Variants in SAMD12 observed in about 807,000 individuals in gnomAD.
The protein encoded by SAMD12 is sterile alpha motif domain containing 12.
In SAMD12, 9 loss-of-function variants were observed where a neutral mutation model predicts 15.0. The observed-to-expected ratio is 0.60, with a 90% CI of 0.36 to 1.05. SAMD12 has a LOEUF of 1.05. SAMD12 is among the 50% of genes least tolerant of loss of function. The pLI is 0.01. For synonymous variants in SAMD12, 86 were observed against 90.1 expected (o/e 0.96, Z 0.25); for missense variants, 230 against 234.2 (o/e 0.98, Z 0.12).
intron 3 of SAMD12, among the ~76,000 whole-genome samples, chr8:118,434,631 A>C (rs982532848): frequency 6.6e-6 from 1 of 152,192 alleles, no homozygotes; most frequent in African/African-American, 2.4e-5. Flanking sequence ...GTGAGCTTAC[A>C]CCTGGCCCCA....
chr8:118,557,307 T>C (rs1826565676), intron 2 of SAMD12, among the ~76,000 whole-genome samples: 1 of 152,354 alleles, frequency 6.6e-6, no homozygotes, highest in African/African-American at 2.4e-5. Context: ...CCGCCTATCA[T>C]GACTGTAAGT....
intron 4 of SAMD12, among the ~76,000 whole-genome samples, chr8:118,270,876 G>T (rs1221333450): frequency 6.6e-6 from 1 of 152,074 alleles, no homozygotes; most frequent in Non-Finnish European, 1.5e-5. Flanking sequence ...TAACAAACAA[G>T]CATAAAGAAG....
chr8:118,230,433 A>G (rs962183183), intron 4 of SAMD12, among the ~76,000 whole-genome samples: 10 of 152,148 alleles, frequency 6.6e-5, no homozygotes, highest in African/African-American at 2.2e-4. Context: ...TTCCTAAACA[A>G]TCCAGAGGAC....
intron 1 of SAMD12, among the ~76,000 whole-genome samples, chr8:118,598,162 C>T (rs891223765): frequency 1.3e-5 from 2 of 152,110 alleles, no homozygotes; most frequent in African/African-American, 4.8e-5. Flanking sequence ...TCAAAGGAAA[C>T]CTAGTTTCAT....
chr8:118,175,183 C>T, the SAMD12 span, among the ~76,000 whole-genome samples: 1 of 152,108 alleles, frequency 6.6e-6, no homozygotes, highest in Non-Finnish European at 1.5e-5. Flanking sequence ...AGAAATAAAG[C>T]TGCACACCTA....
chr8:118,363,080 A>T (rs1446518951), intron 4 of SAMD12, among the ~76,000 whole-genome samples: 1 of 152,200 alleles, frequency 6.6e-6, no homozygotes. Context: ...TCAAGTGTTA[A>T]TTTCTTTAAG....
At chr8:118,537,724 C>G (rs1003826212) in intron 2 of SAMD12, among the ~76,000 whole-genome samples, 2 of 152,154 alleles carry the variant, frequency 1.3e-5, no homozygotes, top group Non-Finnish European at 2.9e-5. Flanking sequence ...CTCAACACAG[C>G]GATTTTGAAT....
chr8:118,391,803 C>T (rs1245405500), intron 3 of SAMD12, among the ~76,000 whole-genome samples: 1 of 152,124 alleles, frequency 6.6e-6, no homozygotes, highest in Non-Finnish European at 1.5e-5. Flanking sequence ...CAGTAACATA[C>T]TTTTGCCTTC....
chr8:118,314,056 C>A (rs1815759645), intron 4 of SAMD12, among the ~76,000 whole-genome samples: 2 of 152,090 alleles, frequency 1.3e-5, no homozygotes, highest in African/African-American at 2.4e-5. Context: ...TTCTAAACAT[C>A]TTTAAATGTT....
rs118115632 is a variant in SAMD12 at position 118,513,137 on chromosome 8, A to G, written c.192+67578T>C. Among the ~76,000 whole-genome samples the G allele has an allele frequency of 3.0e-4, 45 of 152,280 alleles. 1 individual carries two copies. The East Asian group carries it at 7.3e-3, about 25-fold the overall frequency. ...ATTGTCTTGGCAAAATAAATACTAC[A>G]TAGTTGATGCATTTCAGACATGCAC... On this transcript the variant is annotated intron_variant, in intron 2 of 3. Coordinates refer to ENST00000314727, the MANE Select transcript of SAMD12 (RefSeq NM_207506.3).
rs1554679226 is a variant in SAMD12 at position 118,522,199 on chromosome 8, TAC to T, written c.192+58514_192+58515del. Among the ~76,000 whole-genome samples, 82 of 15,780 alleles carry T rather than the reference TAC, an allele frequency of 5.2e-3. 1 individual carries two copies. The highest frequency in any genetic ancestry group is 0.012 in the Admixed American group (20 of 1,606). The allele number at this position is 15,780 out of a possible 152,430, so 10.4% of individuals were successfully genotyped here. ...ACACATACACACACACACACACACA[TAC>T]ACACACACACACACGATAAAAAGAG... On this transcript the variant is annotated intron_variant, in intron 2 of 3. Transcript: ENST00000314727.
chr8:118,394,005 A>C (rs941172723), intron 3 of SAMD12, among the ~76,000 whole-genome samples: 2 of 111,220 alleles, frequency 1.8e-5, no homozygotes, highest in African/African-American at 8.3e-5. Context: ...AAAGTGGGCT[A>C]AATTTCCCCT....
intron 4 of SAMD12, among the ~76,000 whole-genome samples, chr8:118,235,411 A>G (rs1344909041): frequency 6.6e-6 from 1 of 152,072 alleles, no homozygotes; most frequent in East Asian, 1.9e-4. Context: ...GGGTTTCACC[A>G]TGTTGACCAG....
intron 2 of SAMD12, among the ~76,000 whole-genome samples, chr8:118,456,148 T>C (rs1410635611): frequency 6.6e-6 from 1 of 152,216 alleles, no homozygotes; most frequent in Non-Finnish European, 1.5e-5. Flanking sequence ...TGTCATGGTC[T>C]TGATGTTCCA....
At chr8:118,620,715 A>T (rs1730688686) in intron 1 of SAMD12, among the ~76,000 whole-genome samples, 1 of 152,216 alleles carries the variant, frequency 6.6e-6, no homozygotes, top group Non-Finnish European at 1.5e-5. Context: ...GAGAGGGAGC[A>T]GCAAGCCAGC....
chr8:118,177,205 T>C, the SAMD12 span, among the ~76,000 whole-genome samples: 1 of 151,768 alleles, frequency 6.6e-6, no homozygotes, highest in Non-Finnish European at 1.5e-5. Context: ...TTGAGTTGAA[T>C]TTTGTATTAA....
At chr8:118,445,164 A>C (rs1822874580) in intron 2 of SAMD12, among the ~76,000 whole-genome samples, 1 of 152,194 alleles carries the variant, frequency 6.6e-6, no homozygotes, top group Non-Finnish European at 1.5e-5. Context: ...AAGGAAAAGG[A>C]GGAAACACAC....
At chr8:118,367,488 G>T (rs1818861965) in intron 4 of SAMD12, among the ~76,000 whole-genome samples, 1 of 152,164 alleles carries the variant, frequency 6.6e-6, no homozygotes, top group East Asian at 1.9e-4. Context: ...AGTAATTTAA[G>T]ATCCTTCAAA....
At chr8:118,562,540 G>T (rs972386979) in intron 2 of SAMD12, among the ~76,000 whole-genome samples, 1 of 152,176 alleles carries the variant, frequency 6.6e-6, no homozygotes, top group South Asian at 2.1e-4. Context: ...CACAAAACAG[G>T]AATTGATCCA....
Sources: allele counts gnomAD v4.1 joint callset (sites outside exome capture counted in the v4.1 genomes callset), GRCh38; gene constraint gnomAD v4.1.1; transcripts MANE v1.5; gene names NCBI Gene and HGNC (gene_info 2026-07-23, HGNC 2026-07-21).